Variants in MAP2 observed in about 807,000 individuals in gnomAD.
MAP2 encodes microtubule associated protein 2.
A neutral mutation model predicts 137.6 loss-of-function variants in MAP2; 14 were observed. That is an observed-to-expected ratio of 0.10 (90% CI 0.07 to 0.16). The LOEUF (loss-of-function observed/expected upper bound fraction) is 0.16. Ranked by LOEUF, MAP2 falls within the 10% of genes least tolerant of loss-of-function variation. The pLI is 1.00. For missense variants in MAP2, 2,088 were observed against 2,191.5 expected, an observed-to-expected ratio of 0.95 and a Z score of 0.94; for synonymous variants, 786 against 782.3, an observed-to-expected ratio of 1.00 and a Z score of -0.08.
intron 1 of MAP2, among the ~76,000 whole-genome samples, chr2:209,466,859 C>T (rs1704254263): frequency 6.6e-6 from 1 of 152,196 alleles, no homozygotes; most frequent in African/African-American, 2.4e-5. Flanking sequence ...ACCTGGCTCT[C>T]ACTGGATGAG....
chr2:209,710,026 C>T lies in MAP2; in HGVS notation c.4845C>T (p.Gly1615=). Residue 1615 remains glycine, a synonymous_variant, in exon 13 of 16, where the codon GGC becomes GGT. Coordinates refer to ENST00000682079, the MANE Select transcript of MAP2 (RefSeq NM_001375505.1). ...CAAGTTATTCTTCACGCACACCAGG[C>T]ACTCCTGGAACCCCTAGCTATCCCA... The part of the protein sequence containing the change: ...TPPSYSSRTP[G]TPGTPSYPRT... 1 of 1,614,062 alleles carries T rather than the reference C, an allele frequency of 6.2e-7. No individual in the cohort carries two copies. The highest frequency in any genetic ancestry group is 1.3e-5 in the African/African-American group (1 of 75,012).
At chr2:209,511,319 T>C (rs548295066) in intron 2 of MAP2, among the ~76,000 whole-genome samples, 5 of 152,214 alleles carry the variant, frequency 3.3e-5, no homozygotes, top group African/African-American at 1.2e-4. Context: ...TTAGCATATA[T>C]ATTCCATGAA....
At chr2:209,685,521 T>C (rs936630605) in intron 7 of MAP2, among the ~76,000 whole-genome samples, 4 of 152,106 alleles carry the variant, frequency 2.6e-5, no homozygotes, top group African/African-American at 9.7e-5. Context: ...AGATGGACTT[T>C]AGGCTGATAG....
At chr2:209,730,152 T>C in intron 15 of MAP2, 30 bp from the exon 16 acceptor site, 4 of 1,582,902 alleles carry the variant, frequency 2.5e-6, no homozygotes, top group Non-Finnish European at 3.5e-6. Flanking sequence ...GATGCATGAG[T>C]TAACGAGGAC....
At chr2:209,604,699 G>T (rs2084079981) in intron 3 of MAP2, among the ~76,000 whole-genome samples, 3 of 152,108 alleles carry the variant, frequency 2.0e-5, no homozygotes, top group Admixed American at 2.0e-4. Context: ...CATGCTTTTT[G>T]TTTGTGCAGA....
intron 1 of MAP2, among the ~76,000 whole-genome samples, chr2:209,501,471 A>G (rs889337466): frequency 2.0e-5 from 3 of 152,302 alleles, no homozygotes; most frequent in South Asian, 4.1e-4. Flanking sequence ...GCAAGGGGGA[A>G]GAAGAGCTTT....
At chr2:209,661,873 A>G (rs1326497622) in intron 5 of MAP2, among the ~76,000 whole-genome samples, 1 of 152,224 alleles carries the variant, frequency 6.6e-6, no homozygotes, top group Non-Finnish European at 1.5e-5. Context: ...GAGGTTGTAT[A>G]TAGCAGGTAT....
intron 6 of MAP2, among the ~76,000 whole-genome samples, chr2:209,679,019 A>G (rs1559540709): frequency 1.3e-5 from 2 of 152,116 alleles, no homozygotes; most frequent in African/African-American, 2.4e-5. Flanking sequence ...TAAGGATAAT[A>G]TACTAAAACT....
chr2:209,688,755 A>G (rs2057934638), intron 7 of MAP2, among the ~76,000 whole-genome samples: 1 of 152,220 alleles, frequency 6.6e-6, no homozygotes, highest in Admixed American at 6.5e-5. Flanking sequence ...GTACAGCTAA[A>G]TATATTTTTG....
At chr2:209,552,715 G>A (rs2069478339) in intron 2 of MAP2, among the ~76,000 whole-genome samples, 1 of 151,888 alleles carries the variant, frequency 6.6e-6, no homozygotes, top group African/African-American at 2.4e-5. Flanking sequence ...ACAAAAATTA[G>A]CCGGGCGTTG....
chr2:209,730,086 A>G, intron 15 of MAP2, 96 bp from the exon 16 acceptor site: 1 of 1,180,574 alleles, frequency 8.5e-7, no homozygotes, highest in Non-Finnish European at 1.2e-6. Flanking sequence ...ACAGAGGTGA[A>G]TAGAAGTCAT....
At chr2:209,424,622 G>C (rs1162499549) in intron 1 of MAP2, among the ~76,000 whole-genome samples, 1 of 152,200 alleles carries the variant, frequency 6.6e-6, no homozygotes, top group Non-Finnish European at 1.5e-5. Flanking sequence ...GCTGTGGAAA[G>C]AAGGGGAGTG....
At chr2:209,704,166 C>T (rs12619253) in intron 11 of MAP2, 39,655 of 397,638 alleles carry the variant, frequency 0.1, 2,456 homozygotes, top group East Asian at 0.24. Context: ...TCTTTATGTC[C>T]GTGTGTACCC....
At chr2:209,583,561 G>C (rs938198424) in intron 3 of MAP2, among the ~76,000 whole-genome samples, 2 of 151,712 alleles carry the variant, frequency 1.3e-5, no homozygotes, top group Admixed American at 1.3e-4. Flanking sequence ...CAGGGCCATG[G>C]GCAGAGTAAA....
At chr2:209,484,788 C>A (rs2058167131) in intron 1 of MAP2, among the ~76,000 whole-genome samples, 1 of 152,176 alleles carries the variant, frequency 6.6e-6, no homozygotes, top group Non-Finnish European at 1.5e-5. Flanking sequence ...TTTTATTCTG[C>A]CTTTTAAATA....
chr2:209,425,105 T>C (rs1478859276), intron 1 of MAP2, among the ~76,000 whole-genome samples: 1 of 151,014 alleles, frequency 6.6e-6, no homozygotes, highest in Non-Finnish European at 1.5e-5. Flanking sequence ...TTTGGGTGTG[T>C]ATAGGGGGAG....
chr2:209,488,085 G>C (rs896235147), intron 1 of MAP2, among the ~76,000 whole-genome samples: 4 of 152,164 alleles, frequency 2.6e-5, no homozygotes, highest in African/African-American at 9.7e-5. Flanking sequence ...TGAGGTACTT[G>C]GTTCATCTCA....
At chr2:209,653,741 T>A (rs2094952368) in intron 5 of MAP2, among the ~76,000 whole-genome samples, 1 of 151,796 alleles carries the variant, frequency 6.6e-6, no homozygotes, top group South Asian at 2.1e-4. Flanking sequence ...TTACAAATAG[T>A]TTTTTTTTAA....
intron 4 of MAP2, among the ~76,000 whole-genome samples, chr2:209,645,749 A>G (rs2094380231): frequency 6.6e-6 from 1 of 152,230 alleles, no homozygotes; most frequent in African/African-American, 2.4e-5. Context: ...AAAAGATTTG[A>G]TAACTTTCAC....
Sources: gnomAD v4.1 joint callset for allele counts (sites outside exome capture counted in the v4.1 genomes callset) on GRCh38, gnomAD v4.1.1 for gene constraint, MANE v1.5 for transcripts, NCBI Gene and HGNC (gene_info 2026-07-23, HGNC 2026-07-21) for gene names.